EYA4: variants seen among roughly 807,000 people sequenced by gnomAD.
EYA4 encodes protein phosphatase EYA4.
Under a neutral mutation model 87.9 loss-of-function variants are expected in EYA4, and 31 were observed. The observed-to-expected ratio is 0.35, with a 90% CI of 0.27 to 0.48. EYA4 has a LOEUF of 0.48. Ranked by LOEUF, EYA4 falls within the 20% of genes least tolerant of loss-of-function variation. The pLI, the probability that EYA4 is intolerant of heterozygous loss-of-function variation, is 0.99. For missense variants in EYA4, 678 were observed against 761.4 expected (o/e 0.89, Z 1.29); for synonymous variants, 263 against 270.6 (o/e 0.97, Z 0.28).
At chr6:133,417,960 CT>C (rs745925620) in intron 3 of EYA4, among the ~76,000 whole-genome samples, 1 of 152,254 alleles carries the variant, frequency 6.6e-6, no homozygotes, top group East Asian at 1.9e-4. Context: ...CAGTCTATTC[CT>C]TTATTTTAGG....
chr6:133,527,508 A>G, intron 19 of EYA4, among the ~76,000 whole-genome samples: 1 of 152,354 alleles, frequency 6.6e-6, no homozygotes, highest in Admixed American at 6.5e-5. Context: ...AATTTTAATA[A>G]CATGTCAACC....
chr6:133,476,177 G>C (rs1238177522), intron 11 of EYA4, among the ~76,000 whole-genome samples: 1 of 151,952 alleles, frequency 6.6e-6, no homozygotes, highest in Admixed American at 6.6e-5. Flanking sequence ...CCATTGTTTT[G>C]AAATACATTT....
At chr6:133,310,998 A>G (rs1216936529) in intron 2 of EYA4, among the ~76,000 whole-genome samples, 1 of 152,136 alleles carries the variant, frequency 6.6e-6, no homozygotes, top group Non-Finnish European at 1.5e-5. Flanking sequence ...CTTTTCCCCT[A>G]TACCTATATT....
chr6:133,382,602 C>T (rs1786320163), intron 3 of EYA4, among the ~76,000 whole-genome samples, 161 bp downstream of exon 3: 1 of 152,022 alleles, frequency 6.6e-6, no homozygotes, highest in African/African-American at 2.4e-5. Flanking sequence ...CGTACCACTA[C>T]TCATAATATT....
chr6:133,251,401 T>C (rs1774890025), intron 1 of EYA4, among the ~76,000 whole-genome samples: 1 of 152,160 alleles, frequency 6.6e-6, no homozygotes, highest in South Asian at 2.1e-4. Context: ...AGGAGGTAAT[T>C]AGTACCTCTA....
At chr6:133,379,737 C>T (rs1488713625) in intron 2 of EYA4, among the ~76,000 whole-genome samples, 2 of 152,246 alleles carry the variant, frequency 1.3e-5, no homozygotes, top group East Asian at 3.9e-4. Context: ...AACACCTACT[C>T]AGGGCTGGGG....
At position 133,525,229 on chromosome 6, in the gene EYA4, T is replaced by A. The variant is rs1212098692; in HGVS notation, c.1814T>A (p.Val605Glu). The change falls in exon 19 of 20, where the codon GTA becomes GAA. Residue 605 changes from valine (V) to glutamate (E), a missense_variant. Physicochemically the swap from Val to Glu is moderately radical, Grantham distance 121. Transcript: ENST00000355286. The stretch of plus-strand genomic sequence containing the variant: ...GTGTATGTTGTAATTGGGGATGGTG[T>A]AGAAGAAGAACAGGCAGCAAAAAAG... Reference protein sequence around the residue: ...KVVYVVIGDGVEEEQAAKKHN... With the variant: ...KVVYVVIGDGEEEEQAAKKHN... 1 of 1,613,500 alleles carries A rather than the reference T, an allele frequency of 6.2e-7. No individual in the cohort carries two copies. The highest frequency in any genetic ancestry group is 8.5e-7 in the Non-Finnish European group (1 of 1,179,674).
At chr6:133,385,318 C>T (rs1295068043) in intron 3 of EYA4, among the ~76,000 whole-genome samples, 2 of 141,186 alleles carry the variant, frequency 1.4e-5, no homozygotes, top group Non-Finnish European at 3.0e-5. Context: ...AAAAAAAAAC[C>T]CACAAAATAT....
chr6:133,345,802 A>AAAGG (rs1388454016), intron 2 of EYA4, among the ~76,000 whole-genome samples: 1 of 152,262 alleles, frequency 6.6e-6, no homozygotes, highest in African/African-American at 2.4e-5. Flanking sequence ...CCTTAATTTT[A>AAAGG]AAGGAAAAGT....
At chr6:133,457,579 T>A (rs1794017598) in intron 6 of EYA4, among the ~76,000 whole-genome samples, 1 of 152,174 alleles carries the variant, frequency 6.6e-6, no homozygotes, top group Admixed American at 6.6e-5. Flanking sequence ...TTACAGATGA[T>A]CTAATTTCAC....
chr6:133,513,032 G>A lies in EYA4; in HGVS notation c.1495G>A (p.Val499Ile), dbSNP rs142122118. ...ATTATATAACACCTACAAGAACAAC[G>A]TTGGAGGTATGTGTGGCTTTTTCAA... Reference protein sequence around the residue: ...KELYNTYKNNVGGLLGPAKRD... With the variant: ...KELYNTYKNNIGGLLGPAKRD... The change falls in exon 16 of 20, where the codon GTT (valine) becomes ATT (isoleucine). Residue 499 changes from valine (V) to isoleucine (I), a missense_variant. Transcript: ENST00000355286. The A allele has an allele frequency of 9.7e-5, 157 of 1,613,844 alleles. No individual in the cohort carries two copies. Among genetic ancestry groups the A allele is most frequent in the African/African-American group, 6.7e-5 (5 of 75,028 alleles).
At chr6:133,447,490 C>T (rs916564297) in intron 4 of EYA4, among the ~76,000 whole-genome samples, 2 of 151,996 alleles carry the variant, frequency 1.3e-5, no homozygotes, top group African/African-American at 2.4e-5. Flanking sequence ...TTAAATTATT[C>T]ACAATTTGAA....
At chr6:133,378,926 G>GGGGT (rs1554241189) in intron 2 of EYA4, among the ~76,000 whole-genome samples, 3 of 141,726 alleles carry the variant, frequency 2.1e-5, no homozygotes, top group Non-Finnish European at 4.6e-5. Flanking sequence ...TTTCTGTCTT[G>GGGGT]GTGTGTGTGT....
chr6:133,463,374 T>G (rs932143203), intron 9 of EYA4, among the ~76,000 whole-genome samples: 11 of 148,152 alleles, frequency 7.4e-5, no homozygotes, highest in Non-Finnish European at 1.5e-4. Context: ...TTTTTTTTTT[T>G]TCTGAGATGC....
intron 2 of EYA4, among the ~76,000 whole-genome samples, chr6:133,307,257 A>AT (rs1779882564): frequency 6.6e-6 from 1 of 152,146 alleles, no homozygotes; most frequent in Non-Finnish European, 1.5e-5. Context: ...AGATCATGAA[A>AT]TTTTTTGTGG....
chr6:133,477,092 G>T (rs1402541905), intron 11 of EYA4, among the ~76,000 whole-genome samples: 1 of 152,024 alleles, frequency 6.6e-6, no homozygotes, highest in Non-Finnish European at 1.5e-5. Flanking sequence ...CTTCTGCCAT[G>T]ATTGTAAGTT....
intron 14 of EYA4, among the ~76,000 whole-genome samples, chr6:133,509,857 T>C (rs1053482224): frequency 3.3e-5 from 5 of 152,166 alleles, no homozygotes; most frequent in Non-Finnish European, 7.4e-5. Flanking sequence ...CACTTTTTGG[T>C]CAAAATGATT....
At chr6:133,330,617 G>A (rs1409384044) in intron 2 of EYA4, among the ~76,000 whole-genome samples, 1 of 149,178 alleles carries the variant, frequency 6.7e-6, no homozygotes, top group Non-Finnish European at 1.5e-5. Context: ...GGGATAAGAA[G>A]CATTAAAATA....
chr6:133,476,110 C>T (rs1309005786), intron 11 of EYA4, among the ~76,000 whole-genome samples: 2 of 152,062 alleles, frequency 1.3e-5, no homozygotes, highest in Non-Finnish European at 2.9e-5. Context: ...GAGAAGATTG[C>T]TTGAGTCCAG....
Sources: allele counts gnomAD v4.1 joint callset (sites outside exome capture counted in the v4.1 genomes callset), GRCh38; gene constraint gnomAD v4.1.1; transcripts MANE v1.5; gene names NCBI Gene and HGNC (gene_info 2026-07-23, HGNC 2026-07-21).